FARP2: variants seen among roughly 807,000 people sequenced by gnomAD.
FARP2 encodes FERM, ARHGEF and pleckstrin domain-containing protein 2.
In FARP2, 111 loss-of-function variants were observed where a neutral mutation model predicts 130.5. The ratio of observed to expected loss-of-function variants is 0.85; its 90% CI spans 0.73 to 1.00. FARP2 has a LOEUF of 1.00. Among genes scored for constraint, FARP2 ranks in the 50% least tolerant of loss-of-function variants. The pLI is 0.00. For missense variants in FARP2, 1,385 were observed against 1,346.3 expected (o/e 1.03, Z -0.45); for synonymous variants, 504 against 516.9 (o/e 0.98, Z 0.34).
In FARP2 at chr2:241,493,941, G is replaced by A. The variant is rs562321735; in HGVS notation, c.3048-67G>A. 2.0e-5 allele frequency: 20 copies of A among 1,009,894 alleles called. No homozygotes were observed. In the East Asian group the frequency reaches 5.4e-4, roughly 27 times the overall value. The allele number at this position is 1,009,894 out of a possible 1,614,324, so 62.6% of individuals were successfully genotyped here. On this transcript the variant is annotated intron_variant, in intron 26 of 26. Coordinates refer to ENST00000264042, the MANE Select transcript of FARP2 (RefSeq NM_014808.4). ...TTTGTCCTGCTTGTCCCATATCCTGGGTTGTTCTTGGGACAGTGTCTGAGC... is the reference window on the plus strand; with the variant it reads ...TTTGTCCTGCTTGTCCCATATCCTGAGTTGTTCTTGGGACAGTGTCTGAGC...
At chr2:241,465,611 A>T in intron 17 of FARP2, 1 of 1,550,748 alleles carries the variant, frequency 6.4e-7, no homozygotes, top group Non-Finnish European at 8.7e-7. Context: ...CAGGTCGTGC[A>T]TTGACTGTTC....
chr2:241,423,650 TAAAAGACACAG>T (rs908337893), intron 8 of FARP2, among the ~76,000 whole-genome samples: 1 of 152,100 alleles, frequency 6.6e-6, no homozygotes, highest in African/African-American at 2.4e-5. Flanking sequence ...TGCCCCCAAT[TAAAAGACACAG>T]AATGGCAAGC....
At position 241,482,457 on chromosome 2, in the gene FARP2, C is replaced by T. The variant is rs560191666; in HGVS notation, c.2263-1008C>T. On this transcript the variant is annotated intron_variant, in intron 19 of 26. Transcript: ENST00000264042. This position sits in a 1 kb window ranked among gnomAD's most constrained non-coding sequence, Gnocchi z 4.6. ...AGCAGCTCACAGGGACCTCGGCGTG[C>T]GGTCTCCAGGGCTCCCTGTCACGCC... is the stretch of plus-strand genomic sequence containing the variant. Among the ~76,000 whole-genome samples the T allele has an allele frequency of 2.0e-5, 3 of 152,290 alleles. No individual in the cohort carries two copies. In the East Asian group the frequency reaches 5.8e-4, roughly 29 times the overall value.
intron 1 of FARP2, among the ~76,000 whole-genome samples, chr2:241,358,813 G>A (rs16843590): frequency 0.11 from 16,960 of 152,192 alleles, 1,186 homozygotes; most frequent in Non-Finnish European, 0.15. Flanking sequence ...GAAAAGTTGA[G>A]GATCCTACAA....
intron 19 of FARP2, chr2:241,478,747 C>A: frequency 2.3e-6 from 1 of 440,288 alleles, no homozygotes. Context: ...CACAGGTGCC[C>A]ATGAAGCATG....
At chr2:241,490,942 C>A in intron 22 of FARP2, 119 bp from the exon 23 acceptor site, 2 of 765,032 alleles carry the variant, frequency 2.6e-6, no homozygotes, top group Non-Finnish European at 2.3e-6. Context: ...AGTCCTCTCA[C>A]CAGGCAGGAC....
At chr2:241,388,136 A>G (rs1455698347) in intron 2 of FARP2, among the ~76,000 whole-genome samples, 1 of 152,238 alleles carries the variant, frequency 6.6e-6, no homozygotes, top group Non-Finnish European at 1.5e-5. Context: ...ACAATCTCAG[A>G]AAAGAAAAAA....
intron 2 of FARP2, chr2:241,395,352 C>T (rs2062005359): frequency 6.6e-6 from 1 of 152,138 alleles, no homozygotes; most frequent in Non-Finnish European, 1.5e-5. Context: ...ATCTCTATAC[C>T]TTATTTTATA....
chr2:241,471,784 C>T (rs1368611978), intron 18 of FARP2, among the ~76,000 whole-genome samples: 1 of 152,068 alleles, frequency 6.6e-6, no homozygotes, highest in Non-Finnish European at 1.5e-5. Flanking sequence ...CATGAGCCAC[C>T]GCGCCCAGCC....
chr2:241,490,932 A>G (rs2064876399), intron 22 of FARP2, 129 bp from the exon 23 acceptor site: 4 of 728,258 alleles, frequency 5.5e-6, no homozygotes, highest in Non-Finnish European at 9.9e-6. Flanking sequence ...CACGTTTCCC[A>G]GTCCTCTCAC....
chr2:241,457,831 C>T (rs1454874726), intron 14 of FARP2, among the ~76,000 whole-genome samples: 4 of 152,132 alleles, frequency 2.6e-5, no homozygotes, highest in Non-Finnish European at 5.9e-5. Context: ...GCGGGAGACC[C>T]CGTGTCGATG....
chr2:241,474,798 T>TA, intron 18 of FARP2, among the ~76,000 whole-genome samples: 1 of 104,176 alleles, frequency 9.6e-6, no homozygotes, highest in East Asian at 3.7e-4. Flanking sequence ...TCTCTAATAA[T>TA]AATAATAAAT....
At chr2:241,456,470 C>T (rs1447314559) in intron 13 of FARP2, 3 of 356,518 alleles carry the variant, frequency 8.4e-6, no homozygotes, top group East Asian at 1.1e-4. Context: ...CCTAGAAACA[C>T]AAGGTTGGTA....
chr2:241,494,338 T>G lies in FARP2; in HGVS notation c.*213T>G. The G allele has an allele frequency of 2.7e-6, 1 of 376,146 alleles. No individual in the cohort carries two copies. The highest frequency in any genetic ancestry group is 4.9e-6 in the Non-Finnish European group (1 of 205,996). The allele number at this position is 376,146 out of a possible 1,614,324, so 23.3% of individuals were successfully genotyped here. A position where few individuals can be genotyped will look rare whatever the true frequency, so the allele number is the denominator to read the frequency against. ...GCATGCCAGCAGCTATCTGGGGCCC[T>G]GGGAAAAATGTGCGAGTCTTGAGCG... On this transcript the variant is annotated 3_prime_UTR_variant, in exon 27 of 27. Transcript: ENST00000264042. The surrounding 1 kb of genome is among the most constrained non-coding windows in gnomAD (Gnocchi z 4.9).
In FARP2 at chr2:241,465,668, T is replaced by A. The variant is rs1377607743; in HGVS notation, c.1893+1688T>A. 6 of 1,550,908 alleles carry A rather than the reference T, an allele frequency of 3.9e-6. No individual in the cohort carries two copies. The African/African-American group carries it at 8.2e-5, about 21-fold the overall frequency. On this transcript the variant is annotated intron_variant, in intron 17 of 26. Transcript: ENST00000264042. ...CGTGCCTGGAACAGTTCTCCCTCCCTCTCAGGCTGCTCATGAGTTCACCAC... is the reference window on the plus strand; with the variant it reads ...CGTGCCTGGAACAGTTCTCCCTCCCACTCAGGCTGCTCATGAGTTCACCAC...
At chr2:241,365,345 A>AT (rs2061280129) in intron 1 of FARP2, among the ~76,000 whole-genome samples, 2 of 152,230 alleles carry the variant, frequency 1.3e-5, no homozygotes, top group African/African-American at 4.8e-5. Flanking sequence ...CATTTTATCC[A>AT]TAAATGCTTT....
intron 1 of FARP2, among the ~76,000 whole-genome samples, chr2:241,356,919 G>A (rs904100082): frequency 6.6e-6 from 1 of 152,236 alleles, no homozygotes; most frequent in Non-Finnish European, 1.5e-5. Context: ...TCAAGTGTTA[G>A]GTGTTAATAT....
chr2:241,359,571 A>G (rs182804320), intron 1 of FARP2, among the ~76,000 whole-genome samples: 6 of 152,254 alleles, frequency 3.9e-5, no homozygotes, highest in African/African-American at 9.6e-5. Context: ...TGCACACACT[A>G]TGTCCTTTGT....
chr2:241,437,182 T>C (rs2063253547), intron 12 of FARP2, among the ~76,000 whole-genome samples: 1 of 152,242 alleles, frequency 6.6e-6, no homozygotes, highest in Admixed American at 6.5e-5. Context: ...GAGAAATTCT[T>C]GCTGTTATGT....
Sources: gnomAD v4.1 joint callset for allele counts (sites outside exome capture counted in the v4.1 genomes callset) on GRCh38, gnomAD v4.1.1 for gene constraint, Gnocchi (gnomAD v3.1) non-coding constraint, MANE v1.5 for transcripts, NCBI Gene and HGNC (gene_info 2026-07-23, HGNC 2026-07-21) for gene names.